Variants in ADCY1 observed in about 807,000 individuals in gnomAD.
ADCY1 encodes adenylate cyclase 1, also known as adenylate cyclase type 1.
In ADCY1, 28 loss-of-function variants were observed where a neutral mutation model predicts 105.4. The ratio of observed to expected loss-of-function variants is 0.27; its 90% confidence interval spans 0.20 to 0.36. ADCY1 has a LOEUF of 0.36. Among genes scored for constraint, ADCY1 ranks in the 10% least tolerant of loss-of-function variants. ADCY1 has a pLI of 1.00. For synonymous variants in ADCY1, 655 were observed against 623.8 expected (o/e 1.05, Z -0.75); for missense variants, 977 against 1,434.2 (o/e 0.68, Z 5.15).
At chr7:45,677,726 A>G in intron 8 of ADCY1, 143 bp from the exon 9 acceptor site, 1 of 855,572 alleles carries the variant, frequency 1.2e-6, no homozygotes, top group Non-Finnish European at 1.8e-6. Flanking sequence ...CACCACCAGC[A>G]GGGCAGAGTC....
chr7:45,597,378 G>T (rs1300246848), intron 2 of ADCY1, among the ~76,000 whole-genome samples: 1 of 152,166 alleles, frequency 6.6e-6, no homozygotes, highest in Non-Finnish European at 1.5e-5. Context: ...TTCTTGCCCC[G>T]TTTGATAAGT....
chr7:45,637,202 A>T (rs1645909581), intron 4 of ADCY1, among the ~76,000 whole-genome samples: 1 of 152,230 alleles, frequency 6.6e-6, no homozygotes, highest in South Asian at 2.1e-4. Context: ...AGAAACTTAC[A>T]ATTATATACA....
intron 18 of ADCY1, among the ~76,000 whole-genome samples, chr7:45,709,586 C>T (rs1785185743): frequency 6.6e-6 from 1 of 152,244 alleles, no homozygotes; most frequent in African/African-American, 2.4e-5. Context: ...CACTGTGCCG[C>T]CTGCTCTCAG....
chr7:45,667,653 C>G (rs1784286900), intron 8 of ADCY1, among the ~76,000 whole-genome samples: 1 of 152,080 alleles, frequency 6.6e-6, no homozygotes, highest in African/African-American at 2.4e-5. Context: ...TAGTTTTTTT[C>G]CAATTCTGTG....
intron 17 of ADCY1, among the ~76,000 whole-genome samples, chr7:45,705,978 C>T (rs143086832): frequency 1.5e-4 from 23 of 152,214 alleles, no homozygotes; most frequent in African/African-American, 4.3e-4. Context: ...AAATGAAATA[C>T]TAGGTATAAC....
intron 5 of ADCY1, among the ~76,000 whole-genome samples, chr7:45,650,593 C>T (rs1012913617): frequency 2.0e-5 from 3 of 152,116 alleles, no homozygotes; most frequent in Admixed American, 1.3e-4. Context: ...TGGCCTTCTG[C>T]CCTTGAAGGT....
At chr7:45,608,163 T>A (rs896609762) in intron 2 of ADCY1, among the ~76,000 whole-genome samples, 2 of 152,230 alleles carry the variant, frequency 1.3e-5, no homozygotes, top group Non-Finnish European at 2.9e-5. Flanking sequence ...AGATGGTATC[T>A]CATGGTGGTT....
At chr7:45,593,322 C>G (rs112872942) in intron 2 of ADCY1, among the ~76,000 whole-genome samples, 38 of 152,342 alleles carry the variant, frequency 2.5e-4, no homozygotes, top group African/African-American at 8.7e-4. Flanking sequence ...CCAGAGCACG[C>G]TGGCACTTCT....
intron 8 of ADCY1, among the ~76,000 whole-genome samples, chr7:45,674,592 T>G (rs1784422769): frequency 6.6e-6 from 1 of 152,190 alleles, no homozygotes; most frequent in African/African-American, 2.4e-5. Flanking sequence ...CAGGCTGGTC[T>G]TGAACTCCTG....
chr7:45,693,216 T>G (rs907927505), intron 14 of ADCY1, among the ~76,000 whole-genome samples: 2 of 152,064 alleles, frequency 1.3e-5, no homozygotes, highest in South Asian at 4.2e-4. Context: ...CTTTTTGATG[T>G]GCTGCTGGAT....
At chr7:45,689,052 G>A (rs138846915) in intron 14 of ADCY1, among the ~76,000 whole-genome samples, 20 of 150,686 alleles carry the variant, frequency 1.3e-4, no homozygotes, top group African/African-American at 3.4e-4. Context: ...AGCTAGCCTT[G>A]TAGGTGGGGA....
At chr7:45,682,466 G>A (rs566710665) in intron 11 of ADCY1, among the ~76,000 whole-genome samples, 7 of 152,232 alleles carry the variant, frequency 4.6e-5, no homozygotes, top group African/African-American at 1.7e-4. Context: ...GCTGGACCCC[G>A]GGGTGCTGCA....
At chr7:45,607,456 T>G (rs1793406947) in intron 2 of ADCY1, among the ~76,000 whole-genome samples, 1 of 152,212 alleles carries the variant, frequency 6.6e-6, no homozygotes, top group Admixed American at 6.5e-5. Flanking sequence ...AATTTTAACC[T>G]TCATTTTAGA....
rs567261467 is a variant in ADCY1, at chr7:45,674,562, C to T, written c.1606-3307C>T. Among the ~76,000 whole-genome samples the T allele has an allele frequency of 8.5e-5, 13 of 152,108 alleles. No individual in the cohort carries two copies. In the East Asian group the frequency reaches 9.7e-4, roughly 11 times the overall value. ...CTAATTTTTGTATTTTTAGTGGAGA[C>T]GGGGTTTCAGCATTTTGGCCAGGCT... On this transcript the variant is annotated intron_variant, in intron 8 of 19. Transcript: ENST00000297323.
At chr7:45,623,085 G>C (rs1176878449) in intron 4 of ADCY1, among the ~76,000 whole-genome samples, 1 of 152,224 alleles carries the variant, frequency 6.6e-6, no homozygotes, top group Non-Finnish European at 1.5e-5. Context: ...ACTGTAGACA[G>C]AGCTGGTGTT....
At chr7:45,709,829 G>A (rs1002536454) in intron 18 of ADCY1, among the ~76,000 whole-genome samples, 1 of 152,220 alleles carries the variant, frequency 6.6e-6, no homozygotes, top group Admixed American at 6.5e-5. Context: ...GTCACAGCCT[G>A]GTATGTGCCC....
rs56244004 is a variant in ADCY1, at chr7:45,622,435, G to A, written c.909-197G>A. ...ACTCCCCCAGTGGCCAAGCCTCGGC[G>A]TTCTGTGGCTTTTCTGAGCCTCAGT... On this transcript the variant is annotated intron_variant, in intron 3 of 19. Transcript: ENST00000297323. Among the ~76,000 whole-genome samples the A allele has an allele frequency of 1.2e-3, 178 of 152,292 alleles. 1 individual carries two copies. The highest frequency in any genetic ancestry group is 3.4e-3 in the Admixed American group (52 of 15,298).
intron 8 of ADCY1, among the ~76,000 whole-genome samples, chr7:45,668,690 C>T (rs1028032624): frequency 6.6e-6 from 1 of 152,136 alleles, no homozygotes; most frequent in African/African-American, 2.4e-5. Flanking sequence ...GATTGGAATA[C>T]TTTCAGAAGG....
chr7:45,662,991 C>T (rs373428475), intron 8 of ADCY1, among the ~76,000 whole-genome samples: 6 of 152,184 alleles, frequency 3.9e-5, no homozygotes, highest in South Asian at 4.1e-4. Context: ...AGGAGAATAG[C>T]GTCTCCACTG....
Sources: gnomAD v4.1 joint callset for allele counts (sites outside exome capture counted in the v4.1 genomes callset) on GRCh38, gnomAD v4.1.1 for gene constraint, MANE v1.5 for transcripts, NCBI Gene and HGNC (gene_info 2026-07-23, HGNC 2026-07-21) for gene names.